DLG2: variants seen among roughly 807,000 people sequenced by gnomAD.
DLG2 encodes disks large homolog 2.
In DLG2, 45 loss-of-function variants were observed where a neutral mutation model predicts 132.5. That is an observed-to-expected ratio of 0.34 (90% CI 0.27 to 0.44). The LOEUF is 0.44. DLG2 is among the 20% of genes least tolerant of loss of function. DLG2 has a pLI of 1.00. For synonymous variants in DLG2, 424 were observed against 419.6 expected, an observed-to-expected ratio of 1.01 and a Z score of -0.13; for missense variants, 1,045 against 1,196.9, an observed-to-expected ratio of 0.87 and a Z score of 1.87.
At chr11:83,582,056 A>T (rs1179909309) in intron 19 of DLG2, among the ~76,000 whole-genome samples, 1 of 139,704 alleles carries the variant, frequency 7.2e-6, no homozygotes, top group Non-Finnish European at 1.5e-5. Context: ...TCACAGATTC[A>T]AGCGATTCTC....
chr11:85,385,683 C>T (rs936835909), intron 3 of DLG2, among the ~76,000 whole-genome samples: 16 of 152,152 alleles, frequency 1.1e-4, no homozygotes, highest in African/African-American at 3.9e-4. Context: ...TATGCTAAGG[C>T]TGTGAAACTG....
At chr11:84,977,506 T>C (rs2055070012) in intron 6 of DLG2, among the ~76,000 whole-genome samples, 1 of 152,148 alleles carries the variant, frequency 6.6e-6, no homozygotes, top group African/African-American at 2.4e-5. Context: ...AGAAAGCATC[T>C]AACTGATACC....
chr11:85,257,024 G>C (rs1474347701), intron 4 of DLG2, among the ~76,000 whole-genome samples: 2 of 152,168 alleles, frequency 1.3e-5, no homozygotes, highest in African/African-American at 4.8e-5. Flanking sequence ...AAAATGGAAA[G>C]TGTACATGTG....
At chr11:84,969,561 C>T (rs1048424918) in intron 6 of DLG2, among the ~76,000 whole-genome samples, 8 of 152,152 alleles carry the variant, frequency 5.3e-5, no homozygotes, top group Non-Finnish European at 1.2e-4. Context: ...TTTCCTTGTT[C>T]CCCAAAGAAC....
chr11:83,745,634 T>C (rs1448358598), intron 18 of DLG2, among the ~76,000 whole-genome samples: 3 of 151,958 alleles, frequency 2.0e-5, no homozygotes, highest in African/African-American at 7.3e-5. Context: ...AAACCCCGTC[T>C]CTACTAAAAA....
intron 11 of DLG2, among the ~76,000 whole-genome samples, chr11:84,036,990 T>C (rs1403540260): frequency 1.3e-5 from 2 of 152,272 alleles, no homozygotes; most frequent in East Asian, 3.9e-4. Context: ...AAAAGATCAT[T>C]ATCAATCTTG....
chr11:83,768,263 C>T (rs991580226), intron 18 of DLG2, among the ~76,000 whole-genome samples: 12 of 152,202 alleles, frequency 7.9e-5, no homozygotes, highest in Non-Finnish European at 1.5e-4. Context: ...TTATTAATTA[C>T]GAGCCAAATA....
intron 9 of DLG2, among the ~76,000 whole-genome samples, chr11:84,145,860 G>T (rs2095060183): frequency 6.6e-6 from 1 of 152,126 alleles, no homozygotes; most frequent in African/African-American, 2.4e-5. Context: ...GCCCTTTGAG[G>T]TATGTTTACT....
At chr11:84,412,959 T>A (rs940374558) in intron 7 of DLG2, among the ~76,000 whole-genome samples, 1 of 152,366 alleles carries the variant, frequency 6.6e-6, no homozygotes, top group South Asian at 2.1e-4. Context: ...TTGGTAACAA[T>A]GACACCTATT....
Position 85,613,052 on chromosome 11 carries a change from C to G in DLG2, c.-93+13535G>C, listed in dbSNP as rs750262416. 2.0e-5 allele frequency among the ~76,000 whole-genome samples: 3 copies of G among 152,074 alleles called. No homozygotes were observed. The South Asian group carries it at 6.2e-4, about 32-fold the overall frequency. The stretch of plus-strand genomic sequence containing the variant: ...GTCAGGGATAGTATGAGATGCTGTC[C>G]GGCGTTTATAGGAAAAGGCTTCTGA... On this transcript the variant is annotated intron_variant, in intron 2 of 27. Coordinates refer to ENST00000376104, the MANE Select transcript of DLG2 (RefSeq NM_001142699.3).
intron 3 of DLG2, among the ~76,000 whole-genome samples, chr11:85,340,678 C>A (rs2082429348): frequency 1.3e-5 from 2 of 152,080 alleles, no homozygotes; most frequent in South Asian, 4.2e-4. Flanking sequence ...AGAATATTAG[C>A]CCTTTGCCTG....
chr11:83,819,469 CAAAAAA>C lies in DLG2; in HGVS notation c.1722+14139_1722+14144del, dbSNP rs398016925. On this transcript the variant is annotated intron_variant, in intron 17 of 27. Coordinates refer to ENST00000376104, the MANE Select transcript of DLG2 (RefSeq NM_001142699.3). ...TGGGAGACAGAGCAAGACTCTATCT[CAAAAAA>C]AAAAAAAAAAAAAAAAAGAAGAAAA... Among the ~76,000 whole-genome samples, 8 of 28,128 alleles carry C rather than the reference CAAAAAA, an allele frequency of 2.8e-4. No homozygotes were observed. The Admixed American group carries it at 3.2e-3, about 11-fold the overall frequency. 18.5% of individuals were successfully genotyped at this position (28,128 alleles called of 152,430 possible). A position where few individuals can be genotyped will look rare whatever the true frequency, so the allele number is the denominator to read the frequency against.
At chr11:85,196,291 TTAAG>T (rs1008671684) in intron 4 of DLG2, among the ~76,000 whole-genome samples, 2 of 152,234 alleles carry the variant, frequency 1.3e-5, no homozygotes, top group African/African-American at 2.4e-5. Flanking sequence ...TGTGAATAGT[TTAAG>T]TACGTTTACA....
intron 6 of DLG2, among the ~76,000 whole-genome samples, chr11:84,794,556 C>T (rs529516369): frequency 2.8e-4 from 43 of 152,250 alleles, no homozygotes; most frequent in African/African-American, 1.0e-3. Flanking sequence ...GCAGAAGCCT[C>T]ACCTCCCAGG....
chr11:84,471,023 T>C (rs11826800), intron 7 of DLG2, among the ~76,000 whole-genome samples: 36,351 of 151,622 alleles, frequency 0.24, 4,612 homozygotes, highest in South Asian at 0.37. Flanking sequence ...GTTTCCCTTT[T>C]TGCTTGAGCT....
At chr11:85,331,195 T>C (rs1388019675) in intron 3 of DLG2, among the ~76,000 whole-genome samples, 8 of 152,208 alleles carry the variant, frequency 5.3e-5, no homozygotes, top group Non-Finnish European at 1.0e-4. Flanking sequence ...CCTATGGACA[T>C]GTGGCATGGG....
At chr11:84,843,457 T>C (rs1470288802) in intron 6 of DLG2, among the ~76,000 whole-genome samples, 2 of 151,876 alleles carry the variant, frequency 1.3e-5, no homozygotes, top group South Asian at 2.1e-4. Flanking sequence ...CCCCAGAATG[T>C]ACTAAGCACG....
At chr11:85,342,562 C>T (rs1375960995) in intron 3 of DLG2, among the ~76,000 whole-genome samples, 2 of 152,112 alleles carry the variant, frequency 1.3e-5, no homozygotes, top group Admixed American at 1.3e-4. Context: ...CAAAGGAGTA[C>T]ACTCTAAAAA....
chr11:84,441,038 T>A (rs1243118028), intron 7 of DLG2, among the ~76,000 whole-genome samples: 1 of 152,164 alleles, frequency 6.6e-6, no homozygotes, highest in East Asian at 1.9e-4. Flanking sequence ...AGTAAGTTAA[T>A]GTAAAAAATT....
Sources: allele counts gnomAD v4.1 joint callset (sites outside exome capture counted in the v4.1 genomes callset), GRCh38; gene constraint gnomAD v4.1.1; transcripts MANE v1.5; gene names NCBI Gene and HGNC (gene_info 2026-07-23, HGNC 2026-07-21).